The following XKR6 variants were observed in gnomAD, a reference collection of about 807,000 sequenced individuals.
XKR6 encodes XK related 6.
XKR6 carries 22 observed loss-of-function variants against 56.7 expected under a neutral mutation model. The observed-to-expected ratio is 0.39, with a 90% CI of 0.28 to 0.55. The LOEUF is 0.55. XKR6 is among the 20% of genes least tolerant of loss of function. The pLI is 0.66. For missense variants in XKR6, 852 were observed against 889.0 expected (o/e 0.96, Z 0.53); for synonymous variants, 524 against 387.8 (o/e 1.35, Z -4.13).
At chr8:11,045,803 C>A (rs1799397821) in intron 1 of XKR6, among the ~76,000 whole-genome samples, 1 of 152,070 alleles carries the variant, frequency 6.6e-6, no homozygotes. Flanking sequence ...TTGGGGGTTA[C>A]CACAAGGAAA....
At chr8:11,177,720 T>C (rs928405378) in intron 1 of XKR6, among the ~76,000 whole-genome samples, 2 of 152,232 alleles carry the variant, frequency 1.3e-5, no homozygotes, top group African/African-American at 4.8e-5. Context: ...AAGGGTTGAC[T>C]GCCACCCCAG....
intron 1 of XKR6, among the ~76,000 whole-genome samples, chr8:10,976,467 A>C (rs1464273480): frequency 6.6e-6 from 1 of 152,152 alleles, no homozygotes; most frequent in African/African-American, 2.4e-5. Flanking sequence ...CCTGAGAACC[A>C]GATACGCCTG....
In XKR6 at chr8:11,116,271, T is replaced by C. The variant is rs1363100859; in HGVS notation, c.764+84305A>G. Among the ~76,000 whole-genome samples the C allele has an allele frequency of 2.0e-5, 3 of 152,202 alleles. No homozygotes were observed. In the East Asian group the frequency reaches 5.8e-4, roughly 29 times the overall value. On this transcript the variant is annotated intron_variant, in intron 1 of 2. Transcript: ENST00000416569. Reference sequence around the variant, plus strand: ...CGTAACTAATTCATAGATACCCTTTTTCCACTCTAAGTCTTAAACATGCTC... The same window carrying C: ...CGTAACTAATTCATAGATACCCTTTCTCCACTCTAAGTCTTAAACATGCTC...
intron 1 of XKR6, among the ~76,000 whole-genome samples, chr8:11,100,902 G>A (rs1227938164): frequency 2.0e-5 from 3 of 152,200 alleles, no homozygotes; most frequent in African/African-American, 7.2e-5. Flanking sequence ...ATGGGAAGGT[G>A]CTGCCGGGGG....
At chr8:10,972,367 G>A (rs537843075) in intron 1 of XKR6, among the ~76,000 whole-genome samples, 19 of 152,326 alleles carry the variant, frequency 1.2e-4, no homozygotes, top group African/African-American at 3.8e-4. Context: ...AAAATGGAAA[G>A]GACAGATATG....
At chr8:10,900,126 C>G (rs1342943091) in intron 2 of XKR6, among the ~76,000 whole-genome samples, 1 of 152,192 alleles carries the variant, frequency 6.6e-6, no homozygotes, top group African/African-American at 2.4e-5. Context: ...TGCTGTCCCA[C>G]TGGCAACGAC....
At chr8:11,093,856 T>A (rs1316374267) in intron 1 of XKR6, among the ~76,000 whole-genome samples, 2 of 152,072 alleles carry the variant, frequency 1.3e-5, no homozygotes, top group African/African-American at 4.8e-5. Flanking sequence ...TGATCTCGGC[T>A]CACTGCAAGT....
intron 1 of XKR6, among the ~76,000 whole-genome samples, chr8:10,950,609 A>C (rs145884886): frequency 6.6e-6 from 1 of 152,292 alleles, no homozygotes; most frequent in African/African-American, 2.4e-5. Context: ...ACAGTTTTAG[A>C]CTGAAAACCC....
chr8:11,101,854 C>A (rs1198935269), intron 1 of XKR6, among the ~76,000 whole-genome samples: 9 of 152,070 alleles, frequency 5.9e-5, no homozygotes, highest in African/African-American at 2.2e-4. Flanking sequence ...GTGGCTCACC[C>A]TTTAAGGCCC....
chr8:11,117,814 A>G (rs529545161), intron 1 of XKR6, among the ~76,000 whole-genome samples: 3 of 152,310 alleles, frequency 2.0e-5, no homozygotes, highest in East Asian at 3.9e-4. Flanking sequence ...AATTCCCAAG[A>G]AAAAGAAAAC....
At chr8:10,998,921 C>T (rs1179511526) in intron 1 of XKR6, among the ~76,000 whole-genome samples, 1 of 152,182 alleles carries the variant, frequency 6.6e-6, no homozygotes, top group Non-Finnish European at 1.5e-5. Context: ...CAGCTGTCGA[C>T]CAACTGTGTA....
chr8:10,991,711 T>C (rs1797997369), intron 1 of XKR6, among the ~76,000 whole-genome samples: 1 of 152,224 alleles, frequency 6.6e-6, no homozygotes, highest in Non-Finnish European at 1.5e-5. Flanking sequence ...TCATGATTTC[T>C]AAATTTATTT....
At chr8:11,064,166 T>C (rs927236087) in intron 1 of XKR6, among the ~76,000 whole-genome samples, 9 of 152,170 alleles carry the variant, frequency 5.9e-5, no homozygotes, top group Admixed American at 2.0e-4. Flanking sequence ...TCCCAATAAA[T>C]GGTTTCATCT....
intron 1 of XKR6, among the ~76,000 whole-genome samples, chr8:10,994,088 T>G (rs368418230): frequency 6.6e-6 from 1 of 152,176 alleles, no homozygotes; most frequent in East Asian, 1.9e-4. Flanking sequence ...TGCCACCCCC[T>G]GAACATGGTT....
chr8:11,177,148 C>A (rs897476458), intron 1 of XKR6, among the ~76,000 whole-genome samples: 1 of 152,262 alleles, frequency 6.6e-6, no homozygotes, highest in Non-Finnish European at 1.5e-5. Context: ...TGATGGAAAA[C>A]GAGGGCACAC....
At chr8:11,104,584 T>C (rs930998379) in intron 1 of XKR6, 7 of 137,700 alleles carry the variant, frequency 5.1e-5, no homozygotes, top group African/African-American at 2.5e-4. Context: ...TTAAAGACAA[T>C]TAATAAAAGT....
At chr8:10,902,177 C>T (rs1185336624) in intron 2 of XKR6, among the ~76,000 whole-genome samples, 1 of 152,236 alleles carries the variant, frequency 6.6e-6, no homozygotes, top group Non-Finnish European at 1.5e-5. Flanking sequence ...CAAGACATCA[C>T]TGCTAACTTA....
chr8:10,917,729 G>A lies in XKR6; in HGVS notation c.961+6905C>T, dbSNP rs971574858. Among the ~76,000 whole-genome samples, 7 of 152,304 alleles carry A rather than the reference G, an allele frequency of 4.6e-5. No individual in the cohort carries two copies. In the East Asian group the frequency reaches 1.2e-3, roughly 25 times the overall value. On this transcript the variant is annotated intron_variant, in intron 2 of 2. Coordinates refer to ENST00000416569, the MANE Select transcript of XKR6 (RefSeq NM_173683.4). ...TTTTTCAGGGCCAGAGAGATCTAAG[G>A]AGACCAGAGAAACATGCACCATATT...
intron 1 of XKR6, among the ~76,000 whole-genome samples, chr8:11,146,132 ATT>A (rs1251883533): frequency 6.6e-6 from 1 of 152,244 alleles, no homozygotes; most frequent in African/African-American, 2.4e-5. Flanking sequence ...GAATATTCAT[ATT>A]GTTTAGAAAA....
Sources: gnomAD v4.1 joint callset for allele counts (sites outside exome capture counted in the v4.1 genomes callset) on GRCh38, gnomAD v4.1.1 for gene constraint, MANE v1.5 for transcripts, NCBI Gene and HGNC (gene_info 2026-07-23, HGNC 2026-07-21) for gene names.